The following BMP2K variants were observed in gnomAD, a reference collection of about 807,000 sequenced individuals.
The protein encoded by BMP2K is BMP2 inducible kinase, also known as BMP-2-inducible protein kinase.
Under a neutral mutation model 116.0 loss-of-function variants are expected in BMP2K, and 74 were observed. The observed-to-expected ratio is 0.64, with a 90% CI of 0.53 to 0.77. The LOEUF (loss-of-function observed/expected upper bound fraction) is 0.77. BMP2K is among the 30% of genes least tolerant of loss of function. The pLI, the probability that BMP2K is intolerant of heterozygous loss-of-function variation, is 0.00. For missense variants in BMP2K, 1,365 were observed against 1,403.6 expected, an observed-to-expected ratio of 0.97 and a Z score of 0.44; for synonymous variants, 486 against 502.5, an observed-to-expected ratio of 0.97 and a Z score of 0.44.
chr4:78,814,768 C>CA (rs371553874), intron 1 of BMP2K, among the ~76,000 whole-genome samples: 52 of 149,632 alleles, frequency 3.5e-4, no homozygotes, highest in South Asian at 6.3e-4. Context: ...TTGTCAAGGG[C>CA]AAAAAAAAAT....
rs952020590 is a variant in BMP2K, at chr4:78,778,600, A to AT, written c.178+1885dup. On this transcript the variant is annotated intron_variant, in intron 1 of 15. Transcript: ENST00000502613. ...AGGCCTAGGTTTTCTTTCCTTGTGT[A>AT]TTTTTTCTGTCTCCATCACCCACAC... Among the ~76,000 whole-genome samples, 90 of 152,230 alleles carry AT rather than the reference A, an allele frequency of 5.9e-4. 1 individual carries two copies. Among genetic ancestry groups the AT allele is most frequent in the Non-Finnish European group, 5.9e-5 (4 of 68,026 alleles).
chr4:78,912,958 G>A lies in BMP2K; in HGVS notation c.*925G>A, dbSNP rs1212956171. On this transcript the variant is annotated 3_prime_UTR_variant, in exon 16 of 16. Coordinates refer to ENST00000502613, the MANE Select transcript of BMP2K (RefSeq NM_198892.2). ...GATGGCCCTAATAAAGCAGATTATT[G>A]GAAAAATTGGAGGACAAGGGTTGTA... 1 of 151,968 alleles carries A rather than the reference G, an allele frequency of 6.6e-6. No homozygotes were observed. Among genetic ancestry groups the A allele is most frequent in the Non-Finnish European group, 1.5e-5 (1 of 67,966 alleles). 9.4% of individuals were successfully genotyped at this position (151,968 alleles called of 1,614,324 possible). A position where few individuals can be genotyped will look rare whatever the true frequency, so the allele number is the denominator to read the frequency against.
intron 1 of BMP2K, among the ~76,000 whole-genome samples, chr4:78,802,625 G>C (rs1003853200): frequency 1.3e-5 from 2 of 152,064 alleles, no homozygotes; most frequent in Non-Finnish European, 2.9e-5. Flanking sequence ...TATTTGATGT[G>C]TTATGAGGTA....
chr4:78,781,806 G>T (rs1727518326), intron 1 of BMP2K, among the ~76,000 whole-genome samples: 1 of 152,186 alleles, frequency 6.6e-6, no homozygotes, highest in Non-Finnish European at 1.5e-5. Flanking sequence ...CAGTGATACA[G>T]ATGCTGCCGG....
chr4:78,844,604 C>A (rs1225743112), intron 4 of BMP2K, among the ~76,000 whole-genome samples: 1 of 151,516 alleles, frequency 6.6e-6, no homozygotes, highest in Non-Finnish European at 1.5e-5. Flanking sequence ...GGTTTCTTTG[C>A]CCCTGTACAA....
chr4:78,828,548 G>A (rs1006688632), intron 2 of BMP2K, among the ~76,000 whole-genome samples: 1 of 152,168 alleles, frequency 6.6e-6, no homozygotes, highest in Non-Finnish European at 1.5e-5. Flanking sequence ...AACGATTAGA[G>A]TCCTGCCTTG....
At chr4:78,866,128 C>T (rs985434880) in intron 10 of BMP2K, among the ~76,000 whole-genome samples, 1 of 152,146 alleles carries the variant, frequency 6.6e-6, no homozygotes, top group Admixed American at 6.5e-5. Context: ...TGGTGAAGGG[C>T]TATCTTGAAC....
intron 1 of BMP2K, among the ~76,000 whole-genome samples, chr4:78,782,535 C>G (rs898328603): frequency 6.6e-6 from 1 of 152,160 alleles, no homozygotes; most frequent in African/African-American, 2.4e-5. Context: ...GGGCTCTTTA[C>G]TGGACCATCA....
intron 1 of BMP2K, among the ~76,000 whole-genome samples, chr4:78,777,051 C>G (rs2109908961): frequency 6.6e-6 from 1 of 152,186 alleles, no homozygotes; most frequent in East Asian, 1.9e-4. Context: ...TCAGATCGAA[C>G]AGGGTTGAAG....
At chr4:78,850,533 T>A (rs936254502) in intron 6 of BMP2K, among the ~76,000 whole-genome samples, 4 of 151,964 alleles carry the variant, frequency 2.6e-5, no homozygotes, top group African/African-American at 9.7e-5. Context: ...ATCCCAGGAC[T>A]TTTAAACATG....
chr4:78,910,419 G>C (rs1364511017), intron 15 of BMP2K, among the ~76,000 whole-genome samples, 191 bp from the exon 16 acceptor site: 1 of 152,184 alleles, frequency 6.6e-6, no homozygotes. Context: ...TCTACATTAA[G>C]ACTTAACTAT....
chr4:78,815,273 A>C (rs374641875), intron 1 of BMP2K, among the ~76,000 whole-genome samples: 18 of 152,272 alleles, frequency 1.2e-4, no homozygotes, highest in African/African-American at 4.3e-4. Flanking sequence ...TATCATTTCT[A>C]TTTTTAAAAA....
intron 3 of BMP2K, among the ~76,000 whole-genome samples, chr4:78,837,436 C>G (rs1022674514): frequency 2.0e-5 from 3 of 152,112 alleles, no homozygotes; most frequent in Non-Finnish European, 4.4e-5. Context: ...TTCAAGTGAT[C>G]CACCTGCCTC....
At position 78,865,661 on chromosome 4, in the gene BMP2K, G is replaced by T. The variant is rs1280309414; in HGVS notation, c.1172G>T (p.Ser391Ile). ...TATPSVLTIQ[S>I]SATPVKVLAP... ...ACTCCCAGTGTGCTGACCATTCAAA[G>T]TTCAGCAACACCTGTTAAAGTCCTT... Residue 391 changes from serine to isoleucine, a missense_variant, in exon 10 of 16, where the codon AGT (serine) becomes ATT (isoleucine). Around this residue, in one of 3 missense-constraint regions of BMP2K, gnomAD observed 762 missense variants for 756.7 expected, o/e 1.01. Coordinates refer to ENST00000502613, the MANE Select transcript of BMP2K (RefSeq NM_198892.2). The T allele has an allele frequency of 6.2e-7, 1 of 1,613,970 alleles. No individual in the cohort carries two copies. The highest frequency in any genetic ancestry group is 1.3e-5 in the African/African-American group (1 of 74,906).
intron 13 of BMP2K, among the ~76,000 whole-genome samples, chr4:78,873,607 T>C (rs1732477047): frequency 6.6e-6 from 1 of 152,060 alleles, no homozygotes. Context: ...GTACACTGCA[T>C]CTCAAAAGAG....
intron 1 of BMP2K, among the ~76,000 whole-genome samples, chr4:78,805,739 G>A (rs914012486): frequency 2.6e-5 from 4 of 152,290 alleles, no homozygotes; most frequent in African/African-American, 9.6e-5. Flanking sequence ...GGGAGGCTGA[G>A]GCGGGTGGAT....
chr4:78,885,432 C>A (rs990855440), intron 14 of BMP2K, among the ~76,000 whole-genome samples: 2 of 152,156 alleles, frequency 1.3e-5, no homozygotes, highest in Non-Finnish European at 2.9e-5. Context: ...CCAAACTCAT[C>A]CCATCAGAGT....
intron 3 of BMP2K, among the ~76,000 whole-genome samples, chr4:78,836,732 C>A (rs1730497707): frequency 6.6e-6 from 1 of 152,090 alleles, no homozygotes; most frequent in Non-Finnish European, 1.5e-5. Flanking sequence ...TTATTCAGTG[C>A]CCACATTGAT....
intron 15 of BMP2K, among the ~76,000 whole-genome samples, chr4:78,901,220 T>C (rs917746261): frequency 3.3e-5 from 5 of 150,444 alleles, no homozygotes; most frequent in Non-Finnish European, 7.4e-5. Flanking sequence ...CTTTTTTATT[T>C]TATTTTATTA....
Sources: gnomAD v4.1 joint callset for allele counts (sites outside exome capture counted in the v4.1 genomes callset) on GRCh38, gnomAD v4.1.1 for gene constraint, gnomAD v4.1.1 regional missense constraint, MANE v1.5 for transcripts, NCBI Gene and HGNC (gene_info 2026-07-23, HGNC 2026-07-21) for gene names.